NTM: variants seen among roughly 807,000 people sequenced by gnomAD.
NTM encodes the protein neurotrimin.
Under a neutral mutation model 42.1 loss-of-function variants are expected in NTM, and 13 were observed. The ratio of observed to expected loss-of-function variants is 0.31; its 90% confidence interval spans 0.20 to 0.49. The LOEUF (loss-of-function observed/expected upper bound fraction) is 0.49, where lower values mean the gene tolerates loss of function less well. Ranked by LOEUF, NTM falls within the 20% of genes least tolerant of loss-of-function variation. The pLI is 0.99. For missense variants in NTM, 373 were observed against 452.8 expected, an observed-to-expected ratio of 0.82 and a Z score of 1.60; for synonymous variants, 187 against 179.2, an observed-to-expected ratio of 1.04 and a Z score of -0.35.
At chr11:132,029,999 T>C (rs1204100429) in intron 2 of NTM, among the ~76,000 whole-genome samples, 1 of 152,226 alleles carries the variant, frequency 6.6e-6, no homozygotes, top group Non-Finnish European at 1.5e-5. Flanking sequence ...CAATCCTTTT[T>C]GATAGAGTTC....
chr11:132,214,245 G>T (rs993697652), intron 4 of NTM, among the ~76,000 whole-genome samples: 1 of 152,160 alleles, frequency 6.6e-6, no homozygotes, highest in African/African-American at 2.4e-5. Context: ...CTAAGTCCGC[G>T]GTGTGCACCA....
chr11:131,452,661 G>A (rs1307128513), intron 1 of NTM, among the ~76,000 whole-genome samples: 1 of 152,184 alleles, frequency 6.6e-6, no homozygotes, highest in Admixed American at 6.5e-5. Flanking sequence ...AAGACACTGA[G>A]GCTGAAGGGC....
At chr11:132,001,601 G>A (rs917920650) in intron 2 of NTM, among the ~76,000 whole-genome samples, 5 of 151,886 alleles carry the variant, frequency 3.3e-5, no homozygotes, top group South Asian at 2.1e-4. Context: ...GTGGGGAGGA[G>A]GTACCATACC....
chr11:131,932,418 A>G (rs1482925794), intron 2 of NTM, among the ~76,000 whole-genome samples: 2 of 152,150 alleles, frequency 1.3e-5, no homozygotes, highest in East Asian at 3.9e-4. Context: ...AAAGGTAAAG[A>G]CCACAGTTTA....
intron 1 of NTM, among the ~76,000 whole-genome samples, chr11:131,527,551 A>G (rs570961858): frequency 3.2e-4 from 49 of 152,318 alleles, no homozygotes; most frequent in African/African-American, 1.1e-3. Context: ...GTTCTGCCTT[A>G]GTTGGGGATA....
At chr11:131,812,183 CCTCTCTCTCTCTCTCT>C (rs145003478) in intron 1 of NTM, among the ~76,000 whole-genome samples, 8,682 of 142,998 alleles carry the variant, frequency 0.061, 352 homozygotes, top group Non-Finnish European at 0.088. Flanking sequence ...AATTAGTCAG[CCTCTCTCTCTCTCTCT>C]CTCTCTCTCT....
rs145606444 is a variant in NTM, at chr11:132,170,492, A to G, written c.400+23978A>G. 5.4e-3 allele frequency among the ~76,000 whole-genome samples: 820 copies of G among 152,340 alleles called. 3 individuals are homozygous for G. Among genetic ancestry groups the G allele is most frequent in the African/African-American group, 0.018 (763 of 41,580 alleles). ...ATATCTACCTCTTGGTTACTTCTTT[A>G]TAACCACATAGGATAAGCTGAATCT... On this transcript the variant is annotated intron_variant, in intron 3 of 8. Transcript: ENST00000683400.
intron 2 of NTM, among the ~76,000 whole-genome samples, chr11:132,048,729 C>A (rs925975605): frequency 2.6e-5 from 4 of 152,108 alleles, no homozygotes; most frequent in Admixed American, 6.5e-5. Flanking sequence ...CAGACAGACA[C>A]CCCCAACCAA....
intron 1 of NTM, among the ~76,000 whole-genome samples, chr11:131,858,570 A>C (rs1046004352): frequency 6.6e-6 from 1 of 152,176 alleles, no homozygotes; most frequent in Admixed American, 6.5e-5. Flanking sequence ...GGCTAAGTGA[A>C]TATAAAATCG....
At chr11:132,100,328 C>T (rs1305328207) in intron 2 of NTM, among the ~76,000 whole-genome samples, 3 of 152,082 alleles carry the variant, frequency 2.0e-5, no homozygotes, top group African/African-American at 4.8e-5. Flanking sequence ...GTTGTTTTCC[C>T]AGATCAGGGA....
rs184834011 is a variant in NTM at position 131,810,970 on chromosome 11, A to G, written c.83-100594A>G. On this transcript the variant is annotated intron_variant, in intron 1 of 8. Coordinates refer to ENST00000683400, the MANE Select transcript of NTM (RefSeq NM_001352005.2). ...TATTCCAGTGTGTCACAAGTAATTT[A>G]TTACTTCTAATAATAAAATACTAAA... Among the ~76,000 whole-genome samples, 342 of 152,324 alleles carry G rather than the reference A, an allele frequency of 2.2e-3. 4 individuals carry two copies. Among genetic ancestry groups the G allele is most frequent in the African/African-American group, 7.7e-3 (322 of 41,566 alleles).
intron 7 of NTM, chr11:132,317,614 G>T (rs1405811647): frequency 5.6e-6 from 7 of 1,241,316 alleles, no homozygotes; most frequent in African/African-American, 1.6e-5. Context: ...ATATGTGTTT[G>T]TTCTCATTTT....
chr11:132,314,162 GTCATCATCACCATCACCA>G (rs1378492084), intron 6 of NTM, among the ~76,000 whole-genome samples: 4 of 151,634 alleles, frequency 2.6e-5, no homozygotes, highest in Non-Finnish European at 4.4e-5. Context: ...TTGCATGGTT[GTCATCATCACCATCACCA>G]TCATCATCAT....
intron 3 of NTM, among the ~76,000 whole-genome samples, chr11:132,201,335 G>T (rs192012778): frequency 6.6e-6 from 1 of 152,176 alleles, no homozygotes; most frequent in African/African-American, 2.4e-5. Flanking sequence ...GATAGAAGTG[G>T]CAGTCACCAT....
chr11:131,509,340 A>T (rs1373155470), intron 1 of NTM, among the ~76,000 whole-genome samples: 1 of 151,188 alleles, frequency 6.6e-6, no homozygotes, highest in Non-Finnish European at 1.5e-5. Flanking sequence ...GTCTCCCTTT[A>T]CTCTGTCGGT....
At chr11:131,532,445 A>C (rs1478686344) in intron 1 of NTM, among the ~76,000 whole-genome samples, 2 of 152,182 alleles carry the variant, frequency 1.3e-5, no homozygotes, top group Non-Finnish European at 2.9e-5. Flanking sequence ...TGCATATATC[A>C]CATTGTGATC....
intron 1 of NTM, among the ~76,000 whole-genome samples, chr11:131,789,419 AAAAGAAGAAG>A (rs1240985365): frequency 9.6e-5 from 5 of 51,968 alleles, no homozygotes; most frequent in Non-Finnish European, 7.2e-5. Flanking sequence ...TTAAAAGAAA[AAAAGAAGAAG>A]GAAGAAGAAG....
At chr11:131,875,117 G>T (rs573299829) in intron 1 of NTM, among the ~76,000 whole-genome samples, 11 of 152,272 alleles carry the variant, frequency 7.2e-5, no homozygotes, top group South Asian at 4.1e-4. Flanking sequence ...TAAACCCCAT[G>T]AGCCTTATTT....
At chr11:131,913,713 GA>G (rs1172521830) in intron 2 of NTM, among the ~76,000 whole-genome samples, 2 of 152,214 alleles carry the variant, frequency 1.3e-5, no homozygotes, top group East Asian at 3.9e-4. Context: ...ATGGAGATGG[GA>G]ACATGGTGGA....
Sources: gnomAD v4.1 joint callset for allele counts (sites outside exome capture counted in the v4.1 genomes callset) on GRCh38, gnomAD v4.1.1 for gene constraint, MANE v1.5 for transcripts, NCBI Gene and HGNC (gene_info 2026-07-23, HGNC 2026-07-21) for gene names.